TMEM232: variants seen among roughly 807,000 people sequenced by gnomAD.
The protein encoded by TMEM232 is transmembrane protein 232.
Under a neutral mutation model 78.8 loss-of-function variants are expected in TMEM232, and 80 were observed. The observed-to-expected ratio is 1.01, with a 90% CI of 0.85 to 1.22. TMEM232 has a LOEUF of 1.22. Among genes scored for constraint, TMEM232 ranks in the 50% most tolerant of loss-of-function variants. The pLI, the probability that TMEM232 is intolerant of heterozygous loss-of-function variation, is 0.00. For missense variants in TMEM232, 881 were observed against 742.2 expected (o/e 1.19, Z -2.17); for synonymous variants, 297 against 254.3 (o/e 1.17, Z -1.60).
At chr5:110,734,348 C>T (rs1798963637) in intron 2 of TMEM232, among the ~76,000 whole-genome samples, 1 of 152,128 alleles carries the variant, frequency 6.6e-6, no homozygotes, top group Admixed American at 6.5e-5. Flanking sequence ...GGCAGAAGCC[C>T]AAGCGGGCAA....
intron 1 of TMEM232, among the ~76,000 whole-genome samples, chr5:110,669,046 C>A (rs964365649): frequency 1.3e-5 from 2 of 152,060 alleles, no homozygotes; most frequent in Non-Finnish European, 2.9e-5. Context: ...ACAATTGAAA[C>A]CCTAACATCA....
rs1786601527 is a variant in TMEM232 at position 110,640,943 on chromosome 5, A to G, written c.291T>C (p.Ala97=). The G allele has an allele frequency of 6.5e-7, 1 of 1,541,384 alleles. No individual in the cohort carries two copies. The highest frequency in any genetic ancestry group is 8.8e-7 in the Non-Finnish European group (1 of 1,141,784). The change falls in exon 4 of 14, where the codon GCT becomes GCC. Residue 97 remains alanine, a synonymous_variant. Coordinates refer to ENST00000455884, the MANE Select transcript of TMEM232 (RefSeq NM_001039763.4). ...LGSGRHVHLP[A]AWTEVIYLAQ... ...CCAGATATATTACTTCAGTCCATGCAGCAGGAAGATGCACATGCCTTCCAG... is the reference window on the plus strand; with the variant it reads ...CCAGATATATTACTTCAGTCCATGCGGCAGGAAGATGCACATGCCTTCCAG...
intron 2 of TMEM232, among the ~76,000 whole-genome samples, chr5:110,654,089 A>C (rs1488031832): frequency 6.6e-6 from 1 of 152,150 alleles, no homozygotes; most frequent in Non-Finnish European, 1.5e-5. Context: ...CGTATATATA[A>C]TATGGGGTGC....
chr5:110,587,138 C>T (rs1778910665), intron 10 of TMEM232, among the ~76,000 whole-genome samples: 1 of 151,914 alleles, frequency 6.6e-6, no homozygotes, highest in Admixed American at 6.6e-5. Context: ...ATTATTTTAG[C>T]AGATCAACAT....
At chr5:110,681,567 A>G (rs1792752624) in intron 1 of TMEM232, among the ~76,000 whole-genome samples, 1 of 152,200 alleles carries the variant, frequency 6.6e-6, no homozygotes, top group African/African-American at 2.4e-5. Flanking sequence ...AGAGAGATTA[A>G]ATATCTATCT....
At chr5:110,391,576 T>C (rs1040757486) in intron 3 of TMEM232, among the ~76,000 whole-genome samples, 1 of 152,024 alleles carries the variant, frequency 6.6e-6, no homozygotes, top group Admixed American at 6.6e-5. Context: ...TGAAGTAAGA[T>C]TGGATCATAG....
intron 4 of TMEM232, among the ~76,000 whole-genome samples, chr5:110,388,399 C>T (rs936990064): frequency 6.6e-6 from 1 of 152,168 alleles, no homozygotes; most frequent in African/African-American, 2.4e-5. Flanking sequence ...GGCACAACTG[C>T]TGGCATTCGC....
intron 12 of TMEM232, among the ~76,000 whole-genome samples, chr5:110,425,905 T>G (rs558143347): frequency 6.6e-6 from 1 of 152,190 alleles, no homozygotes; most frequent in East Asian, 1.9e-4. Flanking sequence ...CTCCATTAGC[T>G]TTAAGATTAA....
chr5:110,429,075 GA>G (rs1217771145), intron 12 of TMEM232, among the ~76,000 whole-genome samples: 1 of 151,780 alleles, frequency 6.6e-6, no homozygotes, highest in Non-Finnish European at 1.5e-5. Flanking sequence ...TTAGGAGTGG[GA>G]AAAAATAATA....
chr5:110,619,857 G>A (rs551559343), intron 7 of TMEM232, among the ~76,000 whole-genome samples: 3 of 152,022 alleles, frequency 2.0e-5, no homozygotes, highest in East Asian at 3.9e-4. Flanking sequence ...GATGGCACAT[G>A]TATACATATG....
intron 1 of TMEM232, among the ~76,000 whole-genome samples, chr5:110,724,865 A>C (rs998149824): frequency 3.3e-5 from 5 of 151,766 alleles, no homozygotes; most frequent in Non-Finnish European, 5.9e-5. Flanking sequence ...TGGTTTCAAC[A>C]AAAAAACTTG....
At chr5:110,439,479 T>C (rs1255247868) in intron 12 of TMEM232, among the ~76,000 whole-genome samples, 1 of 152,010 alleles carries the variant, frequency 6.6e-6, no homozygotes, top group Non-Finnish European at 1.5e-5. Context: ...CTGCTTGGCA[T>C]GAAGAACTGC....
At chr5:110,491,974 A>G (rs1056712420) in intron 12 of TMEM232, among the ~76,000 whole-genome samples, 2 of 151,998 alleles carry the variant, frequency 1.3e-5, no homozygotes, top group African/African-American at 4.8e-5. Flanking sequence ...AAAATTAAGA[A>G]GCAATTTATA....
At chr5:110,446,781 G>A (rs1759692896) in intron 12 of TMEM232, among the ~76,000 whole-genome samples, 1 of 152,086 alleles carries the variant, frequency 6.6e-6, no homozygotes, top group African/African-American at 2.4e-5. Context: ...GACAAAGTCT[G>A]GAGAATATTC....
At chr5:110,735,911 T>C (rs759170044) in intron 1 of TMEM232, among the ~76,000 whole-genome samples, 30 of 152,254 alleles carry the variant, frequency 2.0e-4, no homozygotes, top group South Asian at 4.1e-4. Context: ...ATGTCTAAAA[T>C]GACTGCATTC....
downstream of TMEM232, among the ~76,000 whole-genome samples, chr5:110,418,499 G>A (rs933178430): frequency 6.6e-6 from 1 of 151,908 alleles, no homozygotes; most frequent in Non-Finnish European, 1.5e-5. Context: ...TAAGAATAAA[G>A]GTGTCAGTAT....
chr5:110,639,784 G>C (rs934227371), intron 4 of TMEM232, among the ~76,000 whole-genome samples: 1 of 152,206 alleles, frequency 6.6e-6, no homozygotes, highest in South Asian at 2.1e-4. Context: ...GACTGGTTTT[G>C]TCTCACAAGG....
chr5:110,560,095 T>C (rs1775568658), intron 11 of TMEM232, among the ~76,000 whole-genome samples: 1 of 152,184 alleles, frequency 6.6e-6, no homozygotes, highest in Non-Finnish European at 1.5e-5. Flanking sequence ...AATAGTAGGA[T>C]TAGGACTATA....
At chr5:110,491,404 AAC>A (rs1162074186) in intron 12 of TMEM232, among the ~76,000 whole-genome samples, 4 of 152,070 alleles carry the variant, frequency 2.6e-5, no homozygotes, top group African/African-American at 7.2e-5. Context: ...GAGAAAATTT[AAC>A]AGTTTCTCAA....
Sources: allele counts gnomAD v4.1 joint callset (sites outside exome capture counted in the v4.1 genomes callset), GRCh38; gene constraint gnomAD v4.1.1; transcripts MANE v1.5; gene names NCBI Gene and HGNC (gene_info 2026-07-23, HGNC 2026-07-21).